Variants in PAMR1 observed in about 807,000 individuals in gnomAD.
The protein encoded by PAMR1 is peptidase domain containing associated with muscle regeneration 1.
In PAMR1, 88 loss-of-function variants were observed where a neutral mutation model predicts 81.8. The ratio of observed to expected loss-of-function variants is 1.08; its 90% confidence interval spans 0.91 to 1.28. PAMR1 has a LOEUF of 1.28. Among genes scored for constraint, PAMR1 ranks in the 50% most tolerant of loss-of-function variants. The pLI is 0.00. For synonymous variants in PAMR1, 336 were observed against 345.3 expected, an observed-to-expected ratio of 0.97 and a Z score of 0.30; for missense variants, 935 against 919.7, an observed-to-expected ratio of 1.02 and a Z score of -0.21.
chr11:35,524,326 C>G (rs537433835), intron 1 of PAMR1, among the ~76,000 whole-genome samples: 1 of 152,260 alleles, frequency 6.6e-6, no homozygotes, highest in Non-Finnish European at 1.5e-5. Flanking sequence ...GGCAGGCAGG[C>G]TCTAGGTAGA....
chr11:35,485,969 GCATAGTGCT>G (rs1269593148), intron 3 of PAMR1, among the ~76,000 whole-genome samples: 1 of 152,242 alleles, frequency 6.6e-6, no homozygotes, highest in Non-Finnish European at 1.5e-5. Context: ...TAGGCAGGCA[GCATAGTGCT>G]CAGCACCAGG....
chr11:35,468,054 C>T lies in PAMR1; in HGVS notation c.767G>A (p.Gly256Glu), dbSNP rs1214597437. The T allele has an allele frequency of 6.4e-7, 1 of 1,561,852 alleles. No homozygotes were observed. The highest frequency in any genetic ancestry group is 8.7e-7 in the Non-Finnish European group (1 of 1,151,404). ...TGCCAAGCAGGCACACTTGTAAGAT[C>T]CAGCCTTGTCAAGGACGCACGTGCC... Reference protein sequence around the residue: ...HDGTCVLDKAGSYKCACLAGY... With the variant: ...HDGTCVLDKAESYKCACLAGY... The change falls in exon 6 of 11, where the codon GGA (glycine) becomes GAA (glutamate). Residue 256 changes from glycine to glutamate, a missense_variant. By Grantham distance (98) the Gly-to-Glu change is moderately conservative. Coordinates refer to ENST00000619888, the MANE Select transcript of PAMR1 (RefSeq NM_001001991.3).
intron 6 of PAMR1, 143 bp from the exon 7 acceptor site, chr11:35,441,836 A>C: frequency 1.8e-6 from 1 of 559,224 alleles, no homozygotes; most frequent in Non-Finnish European, 3.1e-6. Flanking sequence ...AAATCTCATA[A>C]TAGAAAATTC....
At chr11:35,512,105 G>A (rs1433548725) in intron 1 of PAMR1, among the ~76,000 whole-genome samples, 1 of 152,204 alleles carries the variant, frequency 6.6e-6, no homozygotes, top group African/African-American at 2.4e-5. Context: ...GGTACCAGGA[G>A]TGATAAAACT....
At chr11:35,503,861 C>T (rs995362044) in intron 1 of PAMR1, among the ~76,000 whole-genome samples, 1 of 151,958 alleles carries the variant, frequency 6.6e-6, no homozygotes, top group Non-Finnish European at 1.5e-5. Flanking sequence ...TCCTTGATTT[C>T]TTTCTCTTGT....
chr11:35,461,040 G>A (rs1434633594), intron 6 of PAMR1, among the ~76,000 whole-genome samples: 1 of 152,140 alleles, frequency 6.6e-6, no homozygotes, highest in African/African-American at 2.4e-5. Flanking sequence ...TTGTGGTTTT[G>A]ATTTGCATTT....
At chr11:35,491,084 G>A (rs565605136) in intron 3 of PAMR1, among the ~76,000 whole-genome samples, 3 of 152,308 alleles carry the variant, frequency 2.0e-5, no homozygotes, top group African/African-American at 7.2e-5. Context: ...TGGCATCGAA[G>A]TTTTAAATCA....
intron 10 of PAMR1, among the ~76,000 whole-genome samples, chr11:35,433,369 T>C (rs147835722): frequency 7.2e-5 from 11 of 152,358 alleles, no homozygotes; most frequent in African/African-American, 2.6e-4. Context: ...AAACATTTCA[T>C]TTACATTCAA....
At chr11:35,516,955 G>A (rs1170468270) in intron 1 of PAMR1, among the ~76,000 whole-genome samples, 1 of 152,024 alleles carries the variant, frequency 6.6e-6, no homozygotes, top group African/African-American at 2.4e-5. Flanking sequence ...GGGGGAAGGG[G>A]AAAAAAGAGG....
intron 8 of PAMR1, among the ~76,000 whole-genome samples, chr11:35,438,561 T>C (rs1432541337): frequency 1.3e-5 from 2 of 152,228 alleles, no homozygotes; most frequent in Non-Finnish European, 2.9e-5. Context: ...TGTTTGTCAA[T>C]CCAATTCATT....
intron 1 of PAMR1, among the ~76,000 whole-genome samples, chr11:35,511,392 A>G (rs959947977): frequency 1.3e-5 from 2 of 152,240 alleles, no homozygotes; most frequent in Non-Finnish European, 2.9e-5. Context: ...GGTCAACCTG[A>G]AAAGACTCTG....
At chr11:35,484,395 A>G (rs538582621) in intron 3 of PAMR1, among the ~76,000 whole-genome samples, 1 of 152,344 alleles carries the variant, frequency 6.6e-6, no homozygotes, top group East Asian at 1.9e-4. Flanking sequence ...ATCAGGACAC[A>G]AAAGTCTGGA....
At chr11:35,459,338 T>C (rs1856602542) in intron 6 of PAMR1, among the ~76,000 whole-genome samples, 1 of 152,198 alleles carries the variant, frequency 6.6e-6, no homozygotes, top group Non-Finnish European at 1.5e-5. Flanking sequence ...AAAATCAACC[T>C]GACACATTCC....
At chr11:35,504,772 A>G (rs541826349) in intron 1 of PAMR1, among the ~76,000 whole-genome samples, 4 of 149,852 alleles carry the variant, frequency 2.7e-5, no homozygotes, top group Non-Finnish European at 5.9e-5. Context: ...CTTTTTTTTA[A>G]TTTTAGCTAA....
At position 35,436,139 on chromosome 11, in the gene PAMR1, G is replaced by A; in HGVS notation, c.1101-4C>T. 4 of 1,602,248 alleles carry A rather than the reference G, an allele frequency of 2.5e-6. No homozygotes were observed. The highest frequency in any genetic ancestry group is 3.4e-6 in the Non-Finnish European group (4 of 1,169,620). On this transcript the variant is annotated splice_region_variant and splice_polypyrimidine_tract_variant and intron_variant, in intron 8 of 10. Coordinates refer to ENST00000619888, the MANE Select transcript of PAMR1 (RefSeq NM_001001991.3). ...TAGCTGGTGTAATGGTGTCTCCCTG[G>A]GTCAGGAAACATGGGCCCAGAGAAA...
upstream of PAMR1, among the ~76,000 whole-genome samples, chr11:35,527,977 G>T (rs1322077605): frequency 1.3e-5 from 2 of 151,928 alleles, no homozygotes; most frequent in Non-Finnish European, 2.9e-5. Flanking sequence ...TGACACGTGG[G>T]GTTTCTTTTC....
chr11:35,460,318 T>C (rs1856625113), intron 6 of PAMR1, among the ~76,000 whole-genome samples: 1 of 152,166 alleles, frequency 6.6e-6, no homozygotes, highest in Non-Finnish European at 1.5e-5. Context: ...CTTTCTTTTT[T>C]TTTTTTTTAT....
At chr11:35,467,071 G>A (rs755246618) in intron 6 of PAMR1, among the ~76,000 whole-genome samples, 1 of 152,104 alleles carries the variant, frequency 6.6e-6, no homozygotes, top group African/African-American at 2.4e-5. Context: ...CCCCAGGGCA[G>A]CCCGCACCCA....
chr11:35,463,683 G>A (rs1856706299), intron 6 of PAMR1, among the ~76,000 whole-genome samples: 1 of 152,158 alleles, frequency 6.6e-6, no homozygotes, highest in Non-Finnish European at 1.5e-5. Flanking sequence ...GGAGGGGGCC[G>A]TTCCCCTTGT....
Sources: allele counts gnomAD v4.1 joint callset (sites outside exome capture counted in the v4.1 genomes callset), GRCh38; gene constraint gnomAD v4.1.1; transcripts MANE v1.5; gene names NCBI Gene and HGNC (gene_info 2026-07-23, HGNC 2026-07-21).